Variants in CHCHD6 observed in about 807,000 individuals in gnomAD.
The protein encoded by CHCHD6 is coiled-coil-helix-coiled-coil-helix domain containing 6.
A neutral mutation model predicts 32.3 loss-of-function variants in CHCHD6; 28 were observed. The observed-to-expected ratio is 0.87, with a 90% confidence interval of 0.64 to 1.19. The LOEUF (loss-of-function observed/expected upper bound fraction) is 1.19, where lower values mean the gene tolerates loss of function less well. Among genes scored for constraint, CHCHD6 ranks in the 50% most tolerant of loss-of-function variants. CHCHD6 has a pLI of 0.00. For missense variants in CHCHD6, 333 were observed against 307.0 expected, an observed-to-expected ratio of 1.08 and a Z score of -0.63; for synonymous variants, 122 against 117.5, an observed-to-expected ratio of 1.04 and a Z score of -0.25.
chr3:126,864,656 C>T (rs1263827871), intron 5 of CHCHD6, among the ~76,000 whole-genome samples: 1 of 146,284 alleles, frequency 6.8e-6, no homozygotes, highest in Non-Finnish European at 1.5e-5. Context: ...TTTTCCTCCT[C>T]CTCCACCTCC....
At chr3:126,953,236 C>A in intron 6 of CHCHD6, 2 of 596,596 alleles carry the variant, frequency 3.4e-6, no homozygotes, top group Non-Finnish European at 4.2e-6. Flanking sequence ...AGAGTCCCAG[C>A]CTCAGACATC....
At chr3:126,847,354 C>T (rs1257869438) in intron 4 of CHCHD6, among the ~76,000 whole-genome samples, 3 of 152,184 alleles carry the variant, frequency 2.0e-5, no homozygotes, top group Non-Finnish European at 4.4e-5. Context: ...GGCTGTTGTT[C>T]AGTGGCCACC....
chr3:126,822,226 G>A (rs969459099), intron 4 of CHCHD6, among the ~76,000 whole-genome samples: 1 of 151,964 alleles, frequency 6.6e-6, no homozygotes, highest in East Asian at 1.9e-4. Flanking sequence ...TCCATTTTGA[G>A]TTAGTTTTTG....
chr3:126,940,776 A>G (rs1210913991), intron 6 of CHCHD6, among the ~76,000 whole-genome samples: 1 of 152,164 alleles, frequency 6.6e-6, no homozygotes, highest in Non-Finnish European at 1.5e-5. Flanking sequence ...AAATACCCTC[A>G]CTTTTAAAAC....
intron 5 of CHCHD6, among the ~76,000 whole-genome samples, chr3:126,864,695 CCAT>C (rs1942177801): frequency 1.4e-5 from 2 of 145,420 alleles, no homozygotes; most frequent in Admixed American, 6.8e-5. Flanking sequence ...TCCTCCTCCA[CCAT>C]CATCTCCTCT....
intron 4 of CHCHD6, among the ~76,000 whole-genome samples, chr3:126,824,583 T>TAAAAAAAAAAAAAAAA (rs1940307472): frequency 6.2e-5 from 2 of 32,040 alleles, no homozygotes; most frequent in Non-Finnish European, 1.3e-4. Context: ...AAAAAAAAAG[T>TAAAAAAAAAAAAAAAA]CAAATGTTGG....
In CHCHD6 at chr3:126,852,704, G is replaced by A. The variant is rs745924272; in HGVS notation, c.469G>A (p.Glu157Lys). 2 of 1,613,384 alleles carry A rather than the reference G, an allele frequency of 1.2e-6. No homozygotes were observed. Among genetic ancestry groups the A allele is most frequent in the South Asian group, 2.2e-5 (2 of 91,034 alleles). ...ELRRRDTFYK[E>K]QLERIERKNA... The stretch of plus-strand genomic sequence containing the variant: ...AAGACGCCGTGACACCTTCTACAAG[G>A]AGCAGCTGGAGCGTATTGAGAGGAA... The change falls in exon 5 of 8, where the codon GAG becomes AAG. Residue 157 changes from glutamate (E) to lysine (K), a missense_variant. Coordinates refer to ENST00000290913, the MANE Select transcript of CHCHD6 (RefSeq NM_032343.3).
At chr3:126,807,640 C>G (rs1939459653) in intron 4 of CHCHD6, among the ~76,000 whole-genome samples, 1 of 152,112 alleles carries the variant, frequency 6.6e-6, no homozygotes, top group Non-Finnish European at 1.5e-5. Context: ...AGGAATAAGA[C>G]CTTCCAGATT....
chr3:126,784,595 C>T (rs1938110158), intron 4 of CHCHD6, among the ~76,000 whole-genome samples: 1 of 152,200 alleles, frequency 6.6e-6, no homozygotes, highest in Admixed American at 6.5e-5. Flanking sequence ...AGCAACAGCA[C>T]CGTCCCACCC....
At chr3:126,758,450 A>G (rs1454168301) in intron 4 of CHCHD6, among the ~76,000 whole-genome samples, 1 of 152,232 alleles carries the variant, frequency 6.6e-6, no homozygotes, top group Non-Finnish European at 1.5e-5. Context: ...CATTCTTTCA[A>G]TCTGAAGGTA....
intron 5 of CHCHD6, among the ~76,000 whole-genome samples, chr3:126,871,381 T>G (rs1559894933): frequency 6.6e-6 from 1 of 152,194 alleles, no homozygotes; most frequent in Non-Finnish European, 1.5e-5. Context: ...GTTGGTTCCC[T>G]GCCCTTCCTG....
At chr3:126,782,446 A>G (rs1282107384) in intron 4 of CHCHD6, among the ~76,000 whole-genome samples, 1 of 152,234 alleles carries the variant, frequency 6.6e-6, no homozygotes, top group Non-Finnish European at 1.5e-5. Context: ...TAGAGAAAGG[A>G]GGCCAGCCGT....
intron 4 of CHCHD6, among the ~76,000 whole-genome samples, chr3:126,786,471 A>G (rs1410065287): frequency 6.6e-6 from 1 of 152,142 alleles, no homozygotes; most frequent in Non-Finnish European, 1.5e-5. Flanking sequence ...CTATTTCTCC[A>G]CATCCTCTCC....
intron 4 of CHCHD6, among the ~76,000 whole-genome samples, chr3:126,770,171 A>G (rs1235032522): frequency 6.6e-6 from 1 of 152,092 alleles, no homozygotes; most frequent in African/African-American, 2.4e-5. Context: ...TAGTAATGCT[A>G]CTGATTTTTG....
chr3:126,858,078 A>G (rs1036643040), intron 5 of CHCHD6, among the ~76,000 whole-genome samples: 3 of 152,136 alleles, frequency 2.0e-5, no homozygotes, highest in African/African-American at 7.2e-5. Context: ...ATGATAGAGC[A>G]TTGCTGGCAT....
At chr3:126,732,977 CA>C in intron 3 of CHCHD6, 100 bp from the exon 4 acceptor site, 1 of 1,345,586 alleles carries the variant, frequency 7.4e-7, no homozygotes, top group Non-Finnish European at 1.0e-6. Context: ...CTGGTTTCAG[CA>C]TTTCCCTGGT....
At position 126,714,892 on chromosome 3, in the gene CHCHD6, G is replaced by A. The variant is rs912558700; in HGVS notation, c.87+10493G>A. On this transcript the variant is annotated intron_variant, in intron 1 of 7. Coordinates refer to ENST00000290913, the MANE Select transcript of CHCHD6 (RefSeq NM_032343.3). ...CGATGACACCGCTCCTGCCTGTGAT[G>A]CCTCACTTTGTGAACTGTGTGAACT... Among the ~76,000 whole-genome samples the A allele has an allele frequency of 2.0e-5, 3 of 152,146 alleles. No homozygotes were observed. In the East Asian group the frequency reaches 5.8e-4, roughly 29 times the overall value.
intron 4 of CHCHD6, among the ~76,000 whole-genome samples, chr3:126,791,669 G>T (rs1441131490): frequency 6.6e-6 from 1 of 152,226 alleles, no homozygotes; most frequent in Non-Finnish European, 1.5e-5. Flanking sequence ...GAGTGCAATG[G>T]CACGATCTTG....
At chr3:126,824,560 CAAAAAAAAA>C (rs71150454) in intron 4 of CHCHD6, among the ~76,000 whole-genome samples, 1 of 40,000 alleles carries the variant, frequency 2.5e-5, no homozygotes, top group Admixed American at 3.1e-4. Flanking sequence ...GACTCTGTCT[CAAAAAAAAA>C]AAAAAAAAAA....
Sources: gnomAD v4.1 joint callset for allele counts (sites outside exome capture counted in the v4.1 genomes callset) on GRCh38, gnomAD v4.1.1 for gene constraint, MANE v1.5 for transcripts, NCBI Gene and HGNC (gene_info 2026-07-23, HGNC 2026-07-21) for gene names.